Variants in ANKRD26 observed in about 807,000 individuals in gnomAD.
ANKRD26 encodes the protein ankyrin repeat domain 26.
In ANKRD26, 141 loss-of-function variants were observed where a neutral mutation model predicts 208.7. The observed-to-expected ratio is 0.68, with a 90% CI of 0.59 to 0.78. The LOEUF (loss-of-function observed/expected upper bound fraction) is 0.78, where lower values mean the gene tolerates loss of function less well. Among genes scored for constraint, ANKRD26 ranks in the 30% least tolerant of loss-of-function variants. The pLI is 0.00. For missense variants in ANKRD26, 1,889 were observed against 1,938.7 expected (o/e 0.97, Z 0.48); for synonymous variants, 636 against 660.4 (o/e 0.96, Z 0.57).
At chr10:27,022,520 A>C in intron 29 of ANKRD26, 38 bp downstream of exon 29, 1 of 1,431,150 alleles carries the variant, frequency 7.0e-7, no homozygotes, top group Non-Finnish European at 9.7e-7. Flanking sequence ...TCCCAAAATT[A>C]AGTGACTTTT....
At chr10:27,088,289 G>A (rs1392101495) in intron 4 of ANKRD26, 3 of 152,160 alleles carry the variant, frequency 2.0e-5, no homozygotes, top group Non-Finnish European at 4.4e-5. Flanking sequence ...CACACTGTTA[G>A]CAAATAGTAA....
At chr10:27,044,566 C>T (rs1488346729) in intron 18 of ANKRD26, among the ~76,000 whole-genome samples, 3 of 151,030 alleles carry the variant, frequency 2.0e-5, no homozygotes, top group Admixed American at 6.6e-5. Flanking sequence ...CAAGCTTTTA[C>T]GGGCACTAAA....
intron 3 of ANKRD26, among the ~76,000 whole-genome samples, chr10:26,985,975 A>G (rs972393103): frequency 1.3e-5 from 2 of 152,134 alleles, no homozygotes; most frequent in African/African-American, 4.8e-5. Context: ...TGCCAAGTCA[A>G]TCCTAAGCCA....
At chr10:27,075,457 T>C (rs1327347951) in intron 9 of ANKRD26, among the ~76,000 whole-genome samples, 1 of 152,128 alleles carries the variant, frequency 6.6e-6, no homozygotes, top group Non-Finnish European at 1.5e-5. Context: ...CTATATCAGA[T>C]AAAACAGAGT....
intron 1 of ANKRD26, among the ~76,000 whole-genome samples, chr10:27,095,000 C>CCAAAAAAA (rs2056421385): frequency 1.0e-5 from 1 of 97,668 alleles, no homozygotes. Context: ...ACCCTGTCTA[C>CCAAAAAAA]AAAAAAAAAA....
chr10:27,092,240 C>G (rs2056323423), intron 4 of ANKRD26, among the ~76,000 whole-genome samples, 166 bp downstream of exon 4: 1 of 149,624 alleles, frequency 6.7e-6, no homozygotes, highest in African/African-American at 2.6e-5. Context: ...TTATGTTAAC[C>G]TTCTTATTAA....
chr10:27,060,313 T>C (rs2055007448), intron 15 of ANKRD26, 32 bp downstream of exon 15: 1 of 1,510,472 alleles, frequency 6.6e-7, no homozygotes, highest in Admixed American at 1.7e-5. Flanking sequence ...ACGTACTTCC[T>C]TCCAAGATTA....
chr10:27,037,444 C>G (rs755835088), intron 22 of ANKRD26, 121 bp from the exon 23 acceptor site: 63 of 1,052,178 alleles, frequency 6.0e-5, no homozygotes, highest in Non-Finnish European at 8.5e-5. Flanking sequence ...ATGCAAGAAC[C>G]TTTATTACTC....
intron 27 of ANKRD26, among the ~76,000 whole-genome samples, 196 bp downstream of exon 27, chr10:27,028,656 C>A (rs1441996076): frequency 6.8e-6 from 1 of 147,854 alleles, no homozygotes; most frequent in Admixed American, 6.7e-5. Flanking sequence ...TATGAAAAAT[C>A]AATGAATTTC....
chr10:27,016,080 G>A (rs376088927), intron 30 of ANKRD26, among the ~76,000 whole-genome samples: 1 of 152,142 alleles, frequency 6.6e-6, no homozygotes, highest in East Asian at 1.9e-4. Flanking sequence ...AAAACTCCTG[G>A]GCTTACATGA....
chr10:27,040,549 C>A (rs1244260524), intron 20 of ANKRD26, among the ~76,000 whole-genome samples: 1 of 152,156 alleles, frequency 6.6e-6, no homozygotes, highest in Non-Finnish European at 1.5e-5. Flanking sequence ...AGCAGTTAAG[C>A]AAATGGGGAA....
Position 27,014,673 on chromosome 10 carries a change from T to C in ANKRD26, c.4545A>G (p.Arg1515=). ...AASQENLEQF[R]ENNFASMKSQ... ...TTTTCATTGAAGCAAAATTATTCTC[T>C]CTAAACTGCTCTAAGTTTTCTTGAG... The change falls in exon 31 of 34, where the codon AGA becomes AGG. Residue 1515 remains arginine (R), a synonymous_variant. Coordinates refer to ENST00000376087, the MANE Select transcript of ANKRD26 (RefSeq NM_014915.3). 2.5e-6 allele frequency: 4 copies of C among 1,613,286 alleles called. No individual in the cohort carries two copies. Among genetic ancestry groups the C allele is most frequent in the Non-Finnish European group, 3.4e-6 (4 of 1,179,770 alleles).
At chr10:27,084,746 G>A (rs1292744893) in intron 5 of ANKRD26, among the ~76,000 whole-genome samples, 1 of 151,894 alleles carries the variant, frequency 6.6e-6, no homozygotes, top group Non-Finnish European at 1.5e-5. Context: ...GCGGGCACCT[G>A]TAATCTTGGC....
intron 29 of ANKRD26, among the ~76,000 whole-genome samples, chr10:27,018,807 C>G (rs956027624): frequency 6.6e-6 from 1 of 152,046 alleles, no homozygotes; most frequent in African/African-American, 2.4e-5. Context: ...AAACTAGACC[C>G]CTATCGAACA....
intron 6 of ANKRD26, chr10:27,080,581 CT>C: frequency 1.0e-6 from 1 of 958,736 alleles, no homozygotes; most frequent in Non-Finnish European, 1.2e-6. Flanking sequence ...AGAAAGAGTC[CT>C]GGTAGTTGTA....
At chr10:27,080,548 T>C (rs560949466) in intron 6 of ANKRD26, 50 of 849,254 alleles carry the variant, frequency 5.9e-5, no homozygotes, top group Non-Finnish European at 7.1e-5. Context: ...GGCACTCAGA[T>C]ACCTAAAGAG....
intron 32 of ANKRD26, among the ~76,000 whole-genome samples, chr10:27,008,467 C>T (rs1000788401): frequency 6.6e-5 from 10 of 152,016 alleles, no homozygotes; most frequent in African/African-American, 1.9e-4. Flanking sequence ...ATAAACATGA[C>T]GTAAAATATA....
At chr10:27,047,013 G>A (rs11592358) in intron 17 of ANKRD26, among the ~76,000 whole-genome samples, 28,021 of 151,980 alleles carry the variant, frequency 0.18, 3,315 homozygotes, top group Middle Eastern at 0.31. Context: ...ACTAGAGACA[G>A]GTGAATGCTA....
intron 3 of ANKRD26, among the ~76,000 whole-genome samples, chr10:27,093,043 C>T (rs1451835890): frequency 2.6e-5 from 4 of 151,760 alleles, no homozygotes; most frequent in African/African-American, 9.7e-5. Flanking sequence ...GAGCCGAGAT[C>T]GCGCCTCTGC....
Sources: allele counts gnomAD v4.1 joint callset (sites outside exome capture counted in the v4.1 genomes callset), GRCh38; gene constraint gnomAD v4.1.1; transcripts MANE v1.5; gene names NCBI Gene and HGNC (gene_info 2026-07-23, HGNC 2026-07-21).